The following OSBPL3 variants were observed in gnomAD, a reference collection of about 807,000 sequenced individuals.
The protein encoded by OSBPL3 is oxysterol-binding protein-related protein 3.
Under a neutral mutation model 120.1 loss-of-function variants are expected in OSBPL3, and 65 were observed. That is an observed-to-expected ratio of 0.54 (90% CI 0.44 to 0.67). The LOEUF (loss-of-function observed/expected upper bound fraction) is 0.67, where lower values mean the gene tolerates loss of function less well. Among genes scored for constraint, OSBPL3 ranks in the 30% least tolerant of loss-of-function variants. The pLI, the probability that OSBPL3 is intolerant of heterozygous loss-of-function variation, is 0.00. For missense variants in OSBPL3, 1,004 were observed against 1,082.1 expected, an observed-to-expected ratio of 0.93 and a Z score of 1.01; for synonymous variants, 416 against 402.6, an observed-to-expected ratio of 1.03 and a Z score of -0.40.
In OSBPL3 at chr7:24,894,186, G is replaced by C. The variant is rs1187457735; in HGVS notation, c.-149-1565C>G. ...AAAAAAGAGTACATTAAAGCAATAA[G>C]CTAGAATCAAAACAATGAAAAGAAA... On this transcript the variant is annotated intron_variant, in intron 1 of 22. Coordinates refer to ENST00000313367, the MANE Select transcript of OSBPL3 (RefSeq NM_015550.4). This position sits in a 1 kb window ranked among gnomAD's most constrained non-coding sequence, Gnocchi z 4.1. Among the ~76,000 whole-genome samples the C allele has an allele frequency of 1.3e-5, 2 of 152,066 alleles. No homozygotes were observed. The highest frequency in any genetic ancestry group is 4.8e-5 in the African/African-American group (2 of 41,368).
Position 24,799,797 on chromosome 7 carries a change from A to G in OSBPL3, c.*386T>C, listed in dbSNP as rs1792084404. The G allele has an allele frequency of 6.5e-6, 1 of 152,934 alleles. No homozygotes were observed. Among genetic ancestry groups the G allele is most frequent in the Admixed American group, 6.5e-5 (1 of 15,292 alleles). 9.5% of individuals were successfully genotyped at this position (152,934 alleles called of 1,614,324 possible). A position where few individuals can be genotyped will look rare whatever the true frequency, so the allele number is the denominator to read the frequency against. ...TAACCCTGGGAATTCTTATTTCTTA[A>G]TGCACCTGGGAGAGGTTGATTTTTT... On this transcript the variant is annotated 3_prime_UTR_variant, in exon 23 of 23. Coordinates refer to ENST00000313367, the MANE Select transcript of OSBPL3 (RefSeq NM_015550.4). The surrounding 1 kb of genome is among the most constrained non-coding windows in gnomAD (Gnocchi z 5.3).
At chr7:24,970,829 A>C (rs1218241931) in intron 1 of OSBPL3, among the ~76,000 whole-genome samples, 2 of 152,214 alleles carry the variant, frequency 1.3e-5, no homozygotes, top group African/African-American at 4.8e-5. Context: ...CCACCCCCAG[A>C]GTTTCCAATT....
intron 16 of OSBPL3, among the ~76,000 whole-genome samples, chr7:24,829,103 T>C (rs1489148483): frequency 1.3e-5 from 2 of 151,784 alleles, no homozygotes; most frequent in Non-Finnish European, 2.9e-5. Context: ...CAGCTCATGT[T>C]ACTATTCTTT....
chr7:24,974,369 A>AC (rs1239130067), intron 1 of OSBPL3, among the ~76,000 whole-genome samples: 3 of 152,206 alleles, frequency 2.0e-5, no homozygotes, highest in Admixed American at 6.5e-5. Flanking sequence ...CAGTAGGTAA[A>AC]CCATCAACTA....
intron 1 of OSBPL3, among the ~76,000 whole-genome samples, chr7:24,921,913 T>C (rs1000498805): frequency 1.3e-5 from 2 of 152,220 alleles, no homozygotes; most frequent in South Asian, 2.1e-4. Flanking sequence ...GGAAGATACA[T>C]GAAAAGTAGA....
Position 24,980,037 on chromosome 7 carries a change from G to A in OSBPL3, c.-301C>T, listed in dbSNP as rs1818115776. The A allele has an allele frequency of 1.3e-5, 13 of 985,230 alleles. No individual in the cohort carries two copies. The highest frequency in any genetic ancestry group is 1.7e-5 in the African/African-American group (1 of 57,194). 61.0% of individuals were successfully genotyped at this position (985,230 alleles called of 1,614,324 possible). On this transcript the variant is annotated 5_prime_UTR_variant, in exon 1 of 23. Transcript: ENST00000313367. ...CGCACCGGCCGCAGGAGTCGGGGGC[G>A]GGGATGGCCACTTGCAGACAGACTG...
At chr7:24,861,537 T>C (rs1800535427) in intron 10 of OSBPL3, 76 bp downstream of exon 10, 1 of 975,494 alleles carries the variant, frequency 1.0e-6, no homozygotes, top group South Asian at 1.8e-5. Context: ...AGATACTCTC[T>C]CTAAGGACAT....
At chr7:24,950,670 G>A (rs1026438063) in intron 1 of OSBPL3, among the ~76,000 whole-genome samples, 1 of 152,118 alleles carries the variant, frequency 6.6e-6, no homozygotes, top group African/African-American at 2.4e-5. Flanking sequence ...TGCAGTGAGC[G>A]GAGATCGTGC....
Position 24,831,086 on chromosome 7 carries a change from C to G in OSBPL3, c.1747-181G>C, listed in dbSNP as rs1218967282. Among the ~76,000 whole-genome samples, 2 of 152,148 alleles carry G rather than the reference C, an allele frequency of 1.3e-5. No homozygotes were observed. The highest frequency in any genetic ancestry group is 4.8e-5 in the African/African-American group (2 of 41,436). On this transcript the variant is annotated intron_variant, in intron 15 of 22. Transcript: ENST00000313367. The surrounding 1 kb of genome is among the most constrained non-coding windows in gnomAD (Gnocchi z 4.0). Reference sequence around the variant, plus strand: ...GTTTAAATAATGTTTATCTGGGCCCCAAAACAAATTAACCCAATGTTTTAA... The same window carrying G: ...GTTTAAATAATGTTTATCTGGGCCCGAAAACAAATTAACCCAATGTTTTAA...
rs6978030 is a variant in OSBPL3, at chr7:24,849,852, G to C, written c.1159-676C>G. ...CACCTGTAGTCCCAGCTACTTGGGA[G>C]GCTGAGGTGGGAGAATTGCTTGAAC... On this transcript the variant is annotated intron_variant, in intron 11 of 22. Transcript: ENST00000313367. The surrounding 1 kb of genome is among the most constrained non-coding windows in gnomAD (Gnocchi z 5.4). 0.021 allele frequency among the ~76,000 whole-genome samples: 3,170 copies of C among 152,100 alleles called. 70 individuals carry two copies. The highest frequency in any genetic ancestry group is 0.05 in the Admixed American group (765 of 15,268).
intron 1 of OSBPL3, among the ~76,000 whole-genome samples, chr7:24,909,783 CTTTTTTTTTTTTTTT>C (rs10591188): frequency 1.3e-5 from 1 of 77,294 alleles, no homozygotes; most frequent in Non-Finnish European, 2.3e-5. Context: ...TTTTTTCTTT[CTTTTTTTTTTTTTTT>C]TTTTTTTTTT....
intron 13 of OSBPL3, 26 bp from the exon 14 acceptor site, chr7:24,840,809 A>T: frequency 9.4e-7 from 1 of 1,060,918 alleles, no homozygotes; most frequent in Non-Finnish European, 1.4e-6. Flanking sequence ...AATAACATTC[A>T]TTAGAGTTAG....
At chr7:24,897,121 G>C (rs1270176195) in intron 1 of OSBPL3, among the ~76,000 whole-genome samples, 1 of 151,848 alleles carries the variant, frequency 6.6e-6, no homozygotes, top group Admixed American at 6.6e-5. Flanking sequence ...AGGCAGGCAG[G>C]CAAGAAGGAA....
Position 24,912,766 on chromosome 7 carries a change from T to TAGG in OSBPL3, c.-149-20146_-149-20145insCCT, listed in dbSNP as rs1809005304. ...GTACATCCCATCCCACATGCTCCTCTAACAAAGTGACCGTGACACTTCTTC... is the reference window on the plus strand; with the variant it reads ...GTACATCCCATCCCACATGCTCCTCTAGGAACAAAGTGACCGTGACACTTCTTC... On this transcript the variant is annotated intron_variant, in intron 1 of 22. Transcript: ENST00000313367. This position sits in a 1 kb window ranked among gnomAD's most constrained non-coding sequence, Gnocchi z 4.5. 6.6e-6 allele frequency among the ~76,000 whole-genome samples: 1 copy of TAGG among 152,250 alleles called. No individual in the cohort carries two copies. Among genetic ancestry groups the TAGG allele is most frequent in the Non-Finnish European group, 1.5e-5 (1 of 68,038 alleles).
chr7:24,914,460 A>AGATG (rs1229770764), intron 1 of OSBPL3, among the ~76,000 whole-genome samples: 1 of 152,216 alleles, frequency 6.6e-6, no homozygotes, highest in Non-Finnish European at 1.5e-5. Flanking sequence ...ACATAGCCAC[A>AGATG]GATGACTGGC....
In OSBPL3 at chr7:24,835,065, T is replaced by TA. The variant is rs1796836049; in HGVS notation, c.1496-330dup. Among the ~76,000 whole-genome samples the TA allele has an allele frequency of 6.6e-6, 1 of 152,228 alleles. No homozygotes were observed. The highest frequency in any genetic ancestry group is 2.4e-5 in the African/African-American group (1 of 41,454). On this transcript the variant is annotated intron_variant, in intron 14 of 22. Transcript: ENST00000313367. This position sits in a 1 kb window ranked among gnomAD's most constrained non-coding sequence, Gnocchi z 4.8. ...GTTGCTTATTGTTTATAAAAACTTG[T>TA]AAACTTTTTAAAAAATCACTTTAAA...
intron 1 of OSBPL3, among the ~76,000 whole-genome samples, chr7:24,979,595 C>T (rs1817997364): frequency 1.3e-5 from 2 of 152,160 alleles, no homozygotes; most frequent in South Asian, 4.1e-4. Flanking sequence ...GCACCTGCGC[C>T]GCGGCCCCTG....
At chr7:24,832,308 G>A (rs1347497012) in intron 15 of OSBPL3, among the ~76,000 whole-genome samples, 8 of 150,546 alleles carry the variant, frequency 5.3e-5, no homozygotes, top group Non-Finnish European at 7.4e-5. Flanking sequence ...TCAGGAGTTC[G>A]AGACCAGCCT....
At position 24,808,093 on chromosome 7, in the gene OSBPL3, A is replaced by AT. The variant is rs1405448255; in HGVS notation, c.2318-1192dup. ...TCTTTGTATTTTTAGTAGAGATGAG[A>AT]TTTTGCCATGTTGTCCAGAGCAGTC... On this transcript the variant is annotated intron_variant, in intron 20 of 22. Coordinates refer to ENST00000313367, the MANE Select transcript of OSBPL3 (RefSeq NM_015550.4). This position sits in a 1 kb window ranked among gnomAD's most constrained non-coding sequence, Gnocchi z 4.6. Among the ~76,000 whole-genome samples, 1 of 151,964 alleles carries AT rather than the reference A, an allele frequency of 6.6e-6. No individual in the cohort carries two copies. Among genetic ancestry groups the AT allele is most frequent in the African/African-American group, 2.4e-5 (1 of 41,378 alleles).
Sources: allele counts gnomAD v4.1 joint callset (sites outside exome capture counted in the v4.1 genomes callset), GRCh38; gene constraint gnomAD v4.1.1; non-coding constraint Gnocchi (gnomAD v3.1); transcripts MANE v1.5; gene names NCBI Gene and HGNC (gene_info 2026-07-23, HGNC 2026-07-21).